The following DCC variants were observed in gnomAD, a reference collection of about 807,000 sequenced individuals.
DCC encodes the protein netrin receptor DCC.
In DCC, 58 loss-of-function variants were observed where a neutral mutation model predicts 172.5. That is an observed-to-expected ratio of 0.34 (90% CI 0.27 to 0.42). The LOEUF is 0.42. DCC is among the 10% of genes least tolerant of loss of function. The pLI is 1.00. For missense variants in DCC, 1,740 were observed against 1,791.0 expected, an observed-to-expected ratio of 0.97 and a Z score of 0.51; for synonymous variants, 709 against 644.5, an observed-to-expected ratio of 1.10 and a Z score of -1.52.
intron 1 of DCC, among the ~76,000 whole-genome samples, chr18:52,676,298 GAAT>G (rs2035645738): frequency 6.6e-6 from 1 of 152,130 alleles, no homozygotes; most frequent in Non-Finnish European, 1.5e-5. Flanking sequence ...GAATTAACTT[GAAT>G]TGAATGAAGT....
At chr18:53,340,736 A>G (rs1211133165) in intron 15 of DCC, among the ~76,000 whole-genome samples, 1 of 152,268 alleles carries the variant, frequency 6.6e-6, no homozygotes, top group Non-Finnish European at 1.5e-5. Flanking sequence ...AAGTTAAACA[A>G]TTTTCATAAA....
At chr18:52,664,836 C>T (rs1427468969) in intron 1 of DCC, among the ~76,000 whole-genome samples, 1 of 152,134 alleles carries the variant, frequency 6.6e-6, no homozygotes, top group African/African-American at 2.4e-5. Flanking sequence ...ATGATGCGGC[C>T]ATTAATTTAA....
At chr18:52,571,764 G>A (rs2033299238) in intron 1 of DCC, among the ~76,000 whole-genome samples, 1 of 152,152 alleles carries the variant, frequency 6.6e-6, no homozygotes, top group Admixed American at 6.5e-5. Flanking sequence ...GCCTGGGAGA[G>A]CATTCCATGC....
At chr18:52,759,988 C>A (rs995370484) in intron 2 of DCC, among the ~76,000 whole-genome samples, 6 of 152,144 alleles carry the variant, frequency 3.9e-5, no homozygotes, top group Admixed American at 1.3e-4. Flanking sequence ...ACTGGGGGAA[C>A]TTGAGTAAGG....
chr18:52,830,694 G>T (rs7240741), intron 2 of DCC, among the ~76,000 whole-genome samples: 23,702 of 152,132 alleles, frequency 0.16, 2,143 homozygotes, highest in East Asian at 0.33. Context: ...CTAGACTGAA[G>T]TTATTTAATT....
At chr18:53,358,334 A>G (rs1044252452) in intron 15 of DCC, among the ~76,000 whole-genome samples, 1 of 152,064 alleles carries the variant, frequency 6.6e-6, no homozygotes, top group African/African-American at 2.4e-5. Context: ...CTAAATGAGT[A>G]AATTTTCCAT....
At chr18:53,203,110 T>C (rs2055566818) in intron 9 of DCC, among the ~76,000 whole-genome samples, 1 of 152,172 alleles carries the variant, frequency 6.6e-6, no homozygotes, top group Non-Finnish European at 1.5e-5. Flanking sequence ...ACTATTCATA[T>C]ACACATTTAT....
chr18:52,879,097 C>T (rs2039443096), intron 2 of DCC, among the ~76,000 whole-genome samples: 1 of 152,160 alleles, frequency 6.6e-6, no homozygotes, highest in Non-Finnish European at 1.5e-5. Flanking sequence ...ACCACAATTG[C>T]TGATAGAACA....
chr18:52,382,116 G>T (rs1393356103), intron 1 of DCC, among the ~76,000 whole-genome samples: 1 of 152,094 alleles, frequency 6.6e-6, no homozygotes, highest in African/African-American at 2.4e-5. Flanking sequence ...TACATTGAAT[G>T]GTGTTCTGTG....
intron 1 of DCC, among the ~76,000 whole-genome samples, chr18:52,621,406 G>A (rs2034476903): frequency 6.6e-6 from 1 of 152,124 alleles, no homozygotes; most frequent in African/African-American, 2.4e-5. Context: ...CAAAGTTTGG[G>A]TCTCAGGAGG....
chr18:53,311,665 C>T (rs1358739598), intron 13 of DCC, among the ~76,000 whole-genome samples: 1 of 151,974 alleles, frequency 6.6e-6, no homozygotes, highest in Non-Finnish European at 1.5e-5. Flanking sequence ...ACAATAATAC[C>T]CATATTATTA....
chr18:53,395,105 G>C (rs1303905234), intron 17 of DCC, among the ~76,000 whole-genome samples: 2 of 150,198 alleles, frequency 1.3e-5, no homozygotes, highest in Non-Finnish European at 3.0e-5. Flanking sequence ...AGCCAAGATC[G>C]TGCCATTGCA....
chr18:53,516,402 T>G (rs1025896678), intron 27 of DCC, among the ~76,000 whole-genome samples: 20 of 146,124 alleles, frequency 1.4e-4, no homozygotes, highest in Admixed American at 4.6e-4. Context: ...AAGGACTTCA[T>G]GTCGAAAACA....
rs1290910102 is a variant in DCC, at chr18:53,215,615, T to G, written c.1911+18T>G. 6 of 1,599,338 alleles carry G rather than the reference T, an allele frequency of 3.8e-6. No homozygotes were observed. Among genetic ancestry groups the G allele is most frequent in the Non-Finnish European group, 4.3e-6 (5 of 1,166,638 alleles). On this transcript the variant is annotated intron_variant, in intron 12 of 28. Transcript: ENST00000442544. ...ATTCAAGAGTAAGTTGGCTAAATGT[T>G]CACTACTCCATTACCTATCAAGATT...
At chr18:53,090,859 C>T (rs2042997609) in intron 7 of DCC, among the ~76,000 whole-genome samples, 1 of 151,792 alleles carries the variant, frequency 6.6e-6, no homozygotes, top group Admixed American at 6.6e-5. Flanking sequence ...GGAAGTATTT[C>T]CACCTTAAAG....
intron 7 of DCC, among the ~76,000 whole-genome samples, chr18:53,136,120 TAA>T (rs34432576): frequency 6.7e-6 from 1 of 149,786 alleles, no homozygotes; most frequent in African/African-American, 2.4e-5. Context: ...TCTGCAGTTG[TAA>T]AAAAAAAATT....
rs1486159395 is a variant in DCC at position 52,888,937 on chromosome 18, A to G, written c.413-17107A>G. 5.9e-5 allele frequency among the ~76,000 whole-genome samples: 9 copies of G among 152,234 alleles called. No homozygotes were observed. In the East Asian group the frequency reaches 9.7e-4, roughly 16 times the overall value. ...TATATACACACACATATATATACAT[A>G]CAAGCACATGTATGAATATTAATCA... On this transcript the variant is annotated intron_variant, in intron 2 of 28. Coordinates refer to ENST00000442544, the MANE Select transcript of DCC (RefSeq NM_005215.4).
intron 1 of DCC, among the ~76,000 whole-genome samples, chr18:52,420,587 C>T (rs2144432364): frequency 6.8e-6 from 1 of 147,594 alleles, no homozygotes; most frequent in African/African-American, 2.4e-5. Context: ...AAGAAATGAA[C>T]ACGTGAAATC....
At chr18:53,262,580 A>T (rs1365185072) in intron 12 of DCC, among the ~76,000 whole-genome samples, 3 of 152,224 alleles carry the variant, frequency 2.0e-5, no homozygotes, top group Non-Finnish European at 4.4e-5. Flanking sequence ...CAGAAAGGTG[A>T]TCCAACTCAA....
Sources: allele counts gnomAD v4.1 joint callset (sites outside exome capture counted in the v4.1 genomes callset), GRCh38; gene constraint gnomAD v4.1.1; transcripts MANE v1.5; gene names NCBI Gene and HGNC (gene_info 2026-07-23, HGNC 2026-07-21).